Variants in DHX29 observed in about 807,000 individuals in gnomAD.
The protein encoded by DHX29 is DExH-box helicase 29, also known as ATP-dependent RNA helicase DHX29.
Under a neutral mutation model 167.9 loss-of-function variants are expected in DHX29, and 79 were observed. The observed-to-expected ratio is 0.47, with a 90% CI of 0.39 to 0.57. The LOEUF is 0.57. DHX29 is among the 20% of genes least tolerant of loss of function. The probability of loss-of-function intolerance (pLI) is 0.00; values close to 1 mark genes in which losing one functional copy is unlikely to be tolerated. For missense variants in DHX29, 1,347 were observed against 1,593.4 expected, an observed-to-expected ratio of 0.85 and a Z score of 2.63; for synonymous variants, 530 against 546.0, an observed-to-expected ratio of 0.97 and a Z score of 0.41.
chr5:55,275,017 G>T lies in DHX29; in HGVS notation c.2428-7C>A, dbSNP rs770367719. ...TCTGAACTGGGATGTATTCCTAAAAGAAATCCAACCAGAGGGAGGTGAATA... is the reference window on the plus strand; with the variant it reads ...TCTGAACTGGGATGTATTCCTAAAATAAATCCAACCAGAGGGAGGTGAATA... On this transcript the variant is annotated splice_polypyrimidine_tract_variant and splice_region_variant and intron_variant, in intron 14 of 26. Coordinates refer to ENST00000251636, the MANE Select transcript of DHX29 (RefSeq NM_019030.4). 8 of 1,607,332 alleles carry T rather than the reference G, an allele frequency of 5.0e-6. No individual in the cohort carries two copies. The highest frequency in any genetic ancestry group is 1.1e-5 in the South Asian group (1 of 88,960).
chr5:55,291,626 C>T (rs1178395024), intron 6 of DHX29, among the ~76,000 whole-genome samples: 3 of 152,142 alleles, frequency 2.0e-5, no homozygotes, highest in East Asian at 1.9e-4. Context: ...ATTTCCAGAA[C>T]GCTTTTTATC....
intron 5 of DHX29, among the ~76,000 whole-genome samples, chr5:55,294,585 G>A (rs998352959): frequency 6.6e-6 from 1 of 152,226 alleles, no homozygotes; most frequent in African/African-American, 2.4e-5. Context: ...TGAGGCAGGA[G>A]AATGGCGTGA....
intron 23 of DHX29, among the ~76,000 whole-genome samples, 175 bp downstream of exon 23, chr5:55,266,963 T>G (rs1454354080): frequency 1.3e-5 from 2 of 151,792 alleles, no homozygotes; most frequent in Non-Finnish European, 2.9e-5. Flanking sequence ...AATCACTGTG[T>G]AATACGTACA....
chr5:55,293,991 G>C (rs370022092), intron 6 of DHX29, 26 bp downstream of exon 6: 3 of 1,597,068 alleles, frequency 1.9e-6, no homozygotes, highest in African/African-American at 1.4e-5. Context: ...CATCCAGTTA[G>C]AAGCCTAACA....
chr5:55,273,182 G>T, intron 17 of DHX29, 111 bp downstream of exon 17: 1 of 1,139,124 alleles, frequency 8.8e-7, no homozygotes, highest in African/African-American at 1.6e-5. Flanking sequence ...AGTTGGCAAT[G>T]CGCTATAAGG....
rs1489940583 is a variant in DHX29, at chr5:55,307,514, C to G, written c.60G>C (p.Val20=). 1 of 1,613,632 alleles carries G rather than the reference C, an allele frequency of 6.2e-7. No individual in the cohort carries two copies. The highest frequency in any genetic ancestry group is 8.5e-7 in the Non-Finnish European group (1 of 1,179,950). Residue 20 remains valine (V), a synonymous_variant, in exon 1 of 27, where the codon GTG becomes GTC. Coordinates refer to ENST00000251636, the MANE Select transcript of DHX29 (RefSeq NM_019030.4). ...CGGCAGATTTGGCTCTGGAAGCAGA[C>G]ACGGCGGCCCGGACCACCGCGGCCG... ...APAAAVVRAA[V]SASRAKSAEA... is the part of the protein sequence containing the mutation.
Position 55,274,629 on chromosome 5 carries a change from C to T in DHX29, c.2675G>A (p.Arg892Lys), listed in dbSNP as rs1747013679. The stretch of plus-strand genomic sequence containing the variant: ...GAGTAGTTACCGTTCAGAATAAAAT[C>T]TTCTATCATTTGATAGAAGATCATA... ...QLYDLLSNDR[R>K]FYSERYKVIA... Residue 892 changes from arginine to lysine, a missense_variant, in exon 16 of 27, where the codon AGA becomes AAA. Physicochemically the swap from Arg to Lys is conservative, Grantham distance 26. This residue lies in a region of DHX29 where 882 missense variants were observed against 1,082.4 expected (regional missense o/e 0.81). Coordinates refer to ENST00000251636, the MANE Select transcript of DHX29 (RefSeq NM_019030.4). 1.9e-6 allele frequency: 3 copies of T among 1,595,190 alleles called. No individual in the cohort carries two copies. The highest frequency in any genetic ancestry group is 2.7e-5 in the African/African-American group (2 of 73,780).
intron 22 of DHX29, 115 bp downstream of exon 22, chr5:55,267,571 C>G (rs879615555): frequency 4.1e-5 from 39 of 945,650 alleles, no homozygotes; most frequent in Non-Finnish European, 5.3e-5. Context: ...GATGAAATAA[C>G]TAAAAATAAA....
At chr5:55,267,876 G>C (rs1746659355) in intron 21 of DHX29, 54 bp from the exon 22 acceptor site, 1 of 1,369,776 alleles carries the variant, frequency 7.3e-7, no homozygotes, top group African/African-American at 1.5e-5. Context: ...GCAATACAGT[G>C]AAAGTTAACT....
At chr5:55,299,783 A>T (rs1171408532) in intron 1 of DHX29, among the ~76,000 whole-genome samples, 8 of 152,094 alleles carry the variant, frequency 5.3e-5, no homozygotes, top group Admixed American at 3.9e-4. Context: ...ATTTCCAAAC[A>T]AGGTCACATT....
At chr5:55,288,790 G>A (rs1747877958) in intron 8 of DHX29, among the ~76,000 whole-genome samples, 1 of 152,138 alleles carries the variant, frequency 6.6e-6, no homozygotes, top group African/African-American at 2.4e-5. Context: ...TGGCCAAGTA[G>A]GGGGTAGCAA....
At chr5:55,291,580 TAC>T (rs1264878704) in intron 6 of DHX29, among the ~76,000 whole-genome samples, 1 of 152,212 alleles carries the variant, frequency 6.6e-6, no homozygotes, top group African/African-American at 2.4e-5. Context: ...TGGTATTAAA[TAC>T]ATTCATAATG....
At chr5:55,298,520 A>C (rs1025276696) in intron 2 of DHX29, 71 bp downstream of exon 2, 95 of 897,848 alleles carry the variant, frequency 1.1e-4, no homozygotes, top group Non-Finnish European at 1.6e-4. Flanking sequence ...CTTACATTTA[A>C]GGATACATCT....
chr5:55,257,930 G>T (rs993829039), intron 26 of DHX29, among the ~76,000 whole-genome samples: 1 of 152,152 alleles, frequency 6.6e-6, no homozygotes, highest in East Asian at 1.9e-4. Flanking sequence ...AAGAGCCCAC[G>T]TCTTAATATG....
chr5:55,269,243 CAAA>C (rs34353606), intron 21 of DHX29, among the ~76,000 whole-genome samples, 167 bp downstream of exon 21: 53 of 72,656 alleles, frequency 7.3e-4, no homozygotes, highest in African/African-American at 2.1e-3. Context: ...GACCCTGTCT[CAAA>C]AAAAAAAAAA....
At chr5:55,272,951 A>G (rs1746925332) in intron 17 of DHX29, among the ~76,000 whole-genome samples, 1 of 152,216 alleles carries the variant, frequency 6.6e-6, no homozygotes, top group Admixed American at 6.5e-5. Context: ...GAGAACAACA[A>G]GAATACTCCC....
chr5:55,261,543 T>C (rs1746317206), intron 24 of DHX29, 44 bp from the exon 25 acceptor site: 1 of 1,217,488 alleles, frequency 8.2e-7, no homozygotes, highest in African/African-American at 1.5e-5. Context: ...AATATAAAAA[T>C]AGAAGGAGGT....
At chr5:55,285,968 C>G (rs1050144094) in intron 8 of DHX29, 107 bp from the exon 9 acceptor site, 16 of 901,478 alleles carry the variant, frequency 1.8e-5, no homozygotes, top group Non-Finnish European at 2.4e-5. Context: ...GAAGATAATA[C>G]TTGAGGCCAG....
Position 55,294,058 on chromosome 5 carries a change from C to T in DHX29, c.739G>A (p.Glu247Lys), listed in dbSNP as rs780399238. Residue 247 changes from glutamate (E) to lysine (K), a missense_variant, in exon 6 of 27, where the codon GAG (glutamate) becomes AAG (lysine). By Grantham distance (56) the Glu-to-Lys change is moderately conservative. Coordinates refer to ENST00000251636, the MANE Select transcript of DHX29 (RefSeq NM_019030.4). ...AEQQNEEEKN[E>K]NSKSLEEEEK... ...TCCTCTTCTAAACTTTTAGAATTCT[C>T]ATTCTTTTCTTCTTCATTTTGTTGT... The T allele has an allele frequency of 6.2e-7, 1 of 1,608,852 alleles. No homozygotes were observed. The highest frequency in any genetic ancestry group is 8.5e-7 in the Non-Finnish European group (1 of 1,178,204).
Sources: allele counts gnomAD v4.1 joint callset (sites outside exome capture counted in the v4.1 genomes callset), GRCh38; gene constraint gnomAD v4.1.1; regional missense constraint gnomAD v4.1.1; transcripts MANE v1.5; gene names NCBI Gene and HGNC (gene_info 2026-07-23, HGNC 2026-07-21).